FGG: variants seen among roughly 807,000 people sequenced by gnomAD.
The protein encoded by FGG is fibrinogen gamma chain, also known as fibrinogen, gamma polypeptide.
A neutral mutation model predicts 51.7 loss-of-function variants in FGG; 20 were observed. That is an observed-to-expected ratio of 0.39 (90% CI 0.27 to 0.56). FGG has a LOEUF of 0.56. Ranked by LOEUF, FGG falls within the 20% of genes least tolerant of loss-of-function variation. FGG has a pLI of 0.64. For synonymous variants in FGG, 184 were observed against 184.7 expected, an observed-to-expected ratio of 1.00 and a Z score of 0.03; for missense variants, 460 against 534.2, an observed-to-expected ratio of 0.86 and a Z score of 1.37.
rs760888390 is a variant in FGG at position 154,607,048 on chromosome 4, T to C, written c.852-66A>G. ...TCAGGGATCTCAGAAGTTCCCTCTT[T>C]CGTAGGATGCTTCCTTGGAATTTTT... On this transcript the variant is annotated intron_variant, in intron 7 of 8. Transcript: ENST00000336098. The C allele has an allele frequency of 3.3e-4, 500 of 1,493,912 alleles. 2 individuals are homozygous for C. Among genetic ancestry groups the C allele is most frequent in the Middle Eastern group, 7.4e-4 (4 of 5,400 alleles). The allele number at this position is 1,493,912 out of a possible 1,614,324, so 92.5% of individuals were successfully genotyped here. A position where few individuals can be genotyped will look rare whatever the true frequency, so the allele number is the denominator to read the frequency against.
At chr4:154,606,123 T>C (rs1731091777) in intron 8 of FGG, among the ~76,000 whole-genome samples, 1 of 152,038 alleles carries the variant, frequency 6.6e-6, no homozygotes, top group African/African-American at 2.4e-5. Context: ...ACATAACTGC[T>C]GGGTAGGTGA....
chr4:154,606,868 G>T lies in FGG; in HGVS notation c.966C>A (p.Gly322=). ...AGDAFDGFDF[G]DDPSDKFFTS... ...TGAAAAACTTGTCACTAGGATCATC[G>T]CCAAAATCAAAGCCATCAAAGGCAT... Residue 322 remains glycine (G), a synonymous_variant, in exon 8 of 9, where the codon GGC becomes GGA. Transcript: ENST00000336098. 2 of 1,613,814 alleles carry T rather than the reference G, an allele frequency of 1.2e-6. No individual in the cohort carries two copies. The highest frequency in any genetic ancestry group is 1.1e-5 in the South Asian group (1 of 91,070).
intron 5 of FGG, 149 bp from the exon 6 acceptor site, chr4:154,609,912 T>C (rs952586343): frequency 6.6e-7 from 1 of 1,509,672 alleles, no homozygotes; most frequent in South Asian, 1.2e-5. Context: ...TTAAACTGTT[T>C]TTTTTAGCTA....
intron 7 of FGG, among the ~76,000 whole-genome samples, chr4:154,608,181 A>C (rs1215647494): frequency 6.6e-6 from 1 of 152,254 alleles, no homozygotes; most frequent in African/African-American, 2.4e-5. Context: ...AGATAAAATT[A>C]TAATTTTATG....
At chr4:154,609,825 G>A (rs762556663) in intron 5 of FGG, 62 bp from the exon 6 acceptor site, 2 of 1,610,512 alleles carry the variant, frequency 1.2e-6, no homozygotes, top group Non-Finnish European at 1.7e-6. Context: ...TGCCAGCCTT[G>A]AAAAATAGCT....
intron 7 of FGG, among the ~76,000 whole-genome samples, chr4:154,607,765 C>T (rs1388614537): frequency 6.6e-6 from 1 of 151,998 alleles, no homozygotes; most frequent in African/African-American, 2.4e-5. Flanking sequence ...AAAAACCAAC[C>T]AAGCAATAAA....
chr4:154,604,309 T>C lies in FGG; in HGVS notation c.*525A>G. 6.0e-6 allele frequency: 9 copies of C among 1,504,738 alleles called. No individual in the cohort carries two copies. The highest frequency in any genetic ancestry group is 1.4e-5 in the African/African-American group (1 of 70,436). 93.2% of individuals were successfully genotyped at this position (1,504,738 alleles called of 1,614,324 possible). A position where few individuals can be genotyped will look rare whatever the true frequency, so the allele number is the denominator to read the frequency against. On this transcript the variant is annotated 3_prime_UTR_variant, in exon 9 of 9. Coordinates refer to ENST00000336098, the MANE Select transcript of FGG (RefSeq NM_021870.3). ...ATCTCTCTGTTCAGATAAAGTCCTT[T>C]AAAAAAGTAAATCTCTTTTGAAACG...
At chr4:154,607,616 G>C (rs1229116619) in intron 7 of FGG, among the ~76,000 whole-genome samples, 1 of 152,152 alleles carries the variant, frequency 6.6e-6, no homozygotes, top group African/African-American at 2.4e-5. Context: ...CACTTCTATA[G>C]AGTGGGGGAA....
In FGG at chr4:154,604,269, T is replaced by C. The variant is rs559049666; in HGVS notation, c.*565A>G. On this transcript the variant is annotated 3_prime_UTR_variant, in exon 9 of 9. Transcript: ENST00000336098. ...GAAGCTTTGCAAGTCCATTGTCCAATAGGAAAAATATTATATCTCTCTGTT... is the reference window on the plus strand; with the variant it reads ...GAAGCTTTGCAAGTCCATTGTCCAACAGGAAAAATATTATATCTCTCTGTT... 7.9e-5 allele frequency: 100 copies of C among 1,258,870 alleles called. No homozygotes were observed. Among genetic ancestry groups the C allele is most frequent in the African/African-American group, 7.7e-4 (49 of 63,438 alleles). 78.0% of individuals were successfully genotyped at this position (1,258,870 alleles called of 1,614,324 possible). A position where few individuals can be genotyped will look rare whatever the true frequency, so the allele number is the denominator to read the frequency against.
rs1731064064 is a variant in FGG, at chr4:154,604,681, A to G, written c.*153T>C. The G allele has an allele frequency of 6.9e-7, 1 of 1,441,402 alleles. No individual in the cohort carries two copies. 89.3% of individuals were successfully genotyped at this position (1,441,402 alleles called of 1,614,324 possible). On this transcript the variant is annotated 3_prime_UTR_variant, in exon 9 of 9. Transcript: ENST00000336098. The stretch of plus-strand genomic sequence containing the variant: ...AATAACTCTGATATCAGTAATTTGG[A>G]AATACAGTCCTAAATGAGTTTTAAT...
At chr4:154,609,828 A>T in intron 5 of FGG, 65 bp from the exon 6 acceptor site, 1 of 1,610,726 alleles carries the variant, frequency 6.2e-7, no homozygotes, top group Non-Finnish European at 8.5e-7. Context: ...CAGCCTTGAA[A>T]AATAGCTTTT....
At chr4:154,608,764 T>C (rs1421390473) in intron 6 of FGG, 114 bp from the exon 7 acceptor site, 4 of 979,774 alleles carry the variant, frequency 4.1e-6, no homozygotes, top group Non-Finnish European at 4.7e-6. Context: ...AACTCCCAAC[T>C]AAGTGATCTT....
chr4:154,604,871 G>A lies in FGG; in HGVS notation c.1325C>T (p.Thr442Ile). Reference sequence around the variant, plus strand: ...CTCAGGGTAAAGTGAGTCATATTCTGTTTCCGCAGGGTGCTCTGGTCTGAC... The same window carrying A: ...CTCAGGGTAAAGTGAGTCATATTCTATTTCCGCAGGGTGCTCTGGTCTGAC... The part of the protein sequence containing the change: ...KQVRPEHPAE[T>I]EYDSLYPEDD... The change falls in exon 9 of 9, where the codon ACA (threonine) becomes ATA (isoleucine). Residue 442 changes from threonine (T) to isoleucine (I), a missense_variant. Physicochemically the swap from Thr to Ile is moderately conservative, Grantham distance 89. Around this residue, in one of 3 missense-constraint regions of FGG, gnomAD observed 92 missense variants for 93.7 expected, o/e 0.98. Coordinates refer to ENST00000336098, the MANE Select transcript of FGG (RefSeq NM_021870.3). 6.2e-7 allele frequency: 1 copy of A among 1,614,062 alleles called. No homozygotes were observed. Among genetic ancestry groups the A allele is most frequent in the Non-Finnish European group, 8.5e-7 (1 of 1,179,956 alleles).
At chr4:154,605,790 T>G (rs531308305) in intron 8 of FGG, among the ~76,000 whole-genome samples, 1 of 152,070 alleles carries the variant, frequency 6.6e-6, no homozygotes. Context: ...AGTTTCCTAG[T>G]TGGTGATTGG....
At chr4:154,606,642 T>C (rs1731101548) in intron 8 of FGG, 63 bp downstream of exon 8, 1 of 1,491,308 alleles carries the variant, frequency 6.7e-7, no homozygotes, top group African/African-American at 1.4e-5. Context: ...TATCTATTTA[T>C]TATTTTTTAT....
At chr4:154,611,747 G>A in intron 4 of FGG, 58 bp downstream of exon 4, 1 of 1,134,010 alleles carries the variant, frequency 8.8e-7, no homozygotes, top group Non-Finnish European at 1.3e-6. Flanking sequence ...CTCAAGTATA[G>A]AATATTAAAT....
chr4:154,611,566 C>T (rs1460250487), intron 4 of FGG: 5 of 336,936 alleles, frequency 1.5e-5, no homozygotes, highest in Non-Finnish European at 2.7e-5. Flanking sequence ...GTCAAACTAG[C>T]ATTTGAAGAC....
Position 154,604,955 on chromosome 4 carries a change from G to A in FGG, c.1241C>T (p.Pro414Leu). The part of the protein sequence containing the change: ...SMKKTTMKII[P>L]FNRLTIGEGQ... ...TTCTCCAATTGTGAGTCTGTTGAATGGGATTATCTTCATAGTGGTTTTCTT... is the reference window on the plus strand; with the variant it reads ...TTCTCCAATTGTGAGTCTGTTGAATAGGATTATCTTCATAGTGGTTTTCTT... Residue 414 changes from proline (P) to leucine (L), a missense_variant, in exon 9 of 9, where the codon CCA (proline) becomes CTA (leucine). Coordinates refer to ENST00000336098, the MANE Select transcript of FGG (RefSeq NM_021870.3). 6.2e-7 allele frequency: 1 copy of A among 1,614,064 alleles called. No homozygotes were observed. Among genetic ancestry groups the A allele is most frequent in the Non-Finnish European group, 8.5e-7 (1 of 1,179,986 alleles).
intron 8 of FGG, 79 bp from the exon 9 acceptor site, chr4:154,605,145 C>A (rs554142549): frequency 1.4e-6 from 2 of 1,465,256 alleles, no homozygotes; most frequent in Non-Finnish European, 9.5e-7. Context: ...CTGTCTATTA[C>A]GAAGTGCATT....
Sources: allele counts gnomAD v4.1 joint callset (sites outside exome capture counted in the v4.1 genomes callset), GRCh38; gene constraint gnomAD v4.1.1; regional missense constraint gnomAD v4.1.1; transcripts MANE v1.5; gene names NCBI Gene and HGNC (gene_info 2026-07-23, HGNC 2026-07-21).